XYLT1: variants seen among roughly 807,000 people sequenced by gnomAD.
XYLT1 encodes the protein xylosyltransferase 1.
A neutral mutation model predicts 91.3 loss-of-function variants in XYLT1; 36 were observed. That is an observed-to-expected ratio of 0.39 (90% CI 0.30 to 0.52). The LOEUF (loss-of-function observed/expected upper bound fraction) is 0.52, where lower values mean the gene tolerates loss of function less well. XYLT1 is among the 20% of genes least tolerant of loss of function. The pLI is 0.68. For missense variants in XYLT1, 1,242 were observed against 1,284.5 expected (o/e 0.97, Z 0.51); for synonymous variants, 588 against 532.0 (o/e 1.11, Z -1.45).
At chr16:17,429,806 C>T (rs572126257) in intron 1 of XYLT1, among the ~76,000 whole-genome samples, 2 of 152,220 alleles carry the variant, frequency 1.3e-5, no homozygotes, top group South Asian at 2.1e-4. Flanking sequence ...TTATTGGCTC[C>T]CTTGATTCTC....
chr16:17,228,566 T>G (rs1460934309), intron 3 of XYLT1, among the ~76,000 whole-genome samples: 1 of 152,154 alleles, frequency 6.6e-6, no homozygotes, highest in African/African-American at 2.4e-5. Flanking sequence ...AGAAGCTCCA[T>G]GTCCTCATCA....
chr16:17,168,483 T>C (rs1597165283), intron 5 of XYLT1, among the ~76,000 whole-genome samples: 1 of 152,058 alleles, frequency 6.6e-6, no homozygotes, highest in Non-Finnish European at 1.5e-5. Context: ...ACCTAGTGGG[T>C]ACAATGCTCA....
chr16:17,246,801 G>A (rs953523388), intron 3 of XYLT1, among the ~76,000 whole-genome samples: 3 of 152,216 alleles, frequency 2.0e-5, no homozygotes, highest in African/African-American at 7.2e-5. Flanking sequence ...ATAGCAGCCA[G>A]TCTCACCTAA....
At chr16:17,431,802 T>C (rs1567200830) in intron 1 of XYLT1, among the ~76,000 whole-genome samples, 1 of 152,250 alleles carries the variant, frequency 6.6e-6, no homozygotes, top group Non-Finnish European at 1.5e-5. Flanking sequence ...GAGCATTTTT[T>C]ATAAAAGCGA....
chr16:17,330,122 C>T (rs1217666609), intron 2 of XYLT1, among the ~76,000 whole-genome samples: 1 of 151,862 alleles, frequency 6.6e-6, no homozygotes, highest in Non-Finnish European at 1.5e-5. Flanking sequence ...CACACACACA[C>T]ACACACACAC....
At chr16:17,274,092 A>G (rs892023060) in intron 2 of XYLT1, among the ~76,000 whole-genome samples, 3 of 151,890 alleles carry the variant, frequency 2.0e-5, no homozygotes. Context: ...TTGTATTTTT[A>G]GTAGAGACAG....
At chr16:17,395,464 C>T (rs1267000814) in intron 1 of XYLT1, among the ~76,000 whole-genome samples, 5 of 152,116 alleles carry the variant, frequency 3.3e-5, no homozygotes, top group Admixed American at 2.6e-4. Context: ...GAGCCATGAT[C>T]GCACCACTGC....
chr16:17,110,406 T>C (rs778667077), intron 11 of XYLT1, among the ~76,000 whole-genome samples: 5 of 152,166 alleles, frequency 3.3e-5, no homozygotes, highest in African/African-American at 1.2e-4. Flanking sequence ...GTTCTTGTGA[T>C]AGTGAATAAG....
intron 5 of XYLT1, among the ~76,000 whole-genome samples, chr16:17,177,607 T>G (rs1300751838): frequency 6.6e-6 from 1 of 152,150 alleles, no homozygotes; most frequent in African/African-American, 2.4e-5. Context: ...AAATTCACAG[T>G]GACGCCCTAC....
At position 17,226,155 on chromosome 16, in the gene XYLT1, G is replaced by C. The variant is rs2033062261; in HGVS notation, c.914-25501C>G. Among the ~76,000 whole-genome samples the C allele has an allele frequency of 2.0e-5, 3 of 152,210 alleles. No individual in the cohort carries two copies. The South Asian group carries it at 6.2e-4, about 32-fold the overall frequency. ...CAAGATTTAGTAGAAGGCATATCTG[G>C]ACCTATGTCCCTATTCTCTCTGCCA... On this transcript the variant is annotated intron_variant, in intron 3 of 11. Coordinates refer to ENST00000261381, the MANE Select transcript of XYLT1 (RefSeq NM_022166.4).
chr16:17,279,127 T>G (rs1438441212), intron 2 of XYLT1, among the ~76,000 whole-genome samples: 1 of 152,188 alleles, frequency 6.6e-6, no homozygotes. Context: ...CTTTTTAAAT[T>G]TAATCCTCTT....
At chr16:17,263,600 C>G (rs11075345) in intron 2 of XYLT1, among the ~76,000 whole-genome samples, 2 of 151,848 alleles carry the variant, frequency 1.3e-5, no homozygotes, top group African/African-American at 4.8e-5. Flanking sequence ...GAGAGAGGCG[C>G]AGTCAGCGAG....
intron 3 of XYLT1, 50 bp downstream of exon 3, chr16:17,258,938 G>A (rs777049807): frequency 6.8e-7 from 1 of 1,470,024 alleles, no homozygotes; most frequent in East Asian, 2.3e-5. Context: ...TGGGCAGGAG[G>A]AGGAAGTGGC....
chr16:17,117,598 TC>T (rs1434772897), intron 11 of XYLT1, 47 bp downstream of exon 11: 1 of 1,568,304 alleles, frequency 6.4e-7, no homozygotes, highest in South Asian at 1.2e-5. Flanking sequence ...ACCCTCAAGG[TC>T]CCCAGGGAAG....
chr16:17,304,070 G>T (rs1013069228), intron 2 of XYLT1, among the ~76,000 whole-genome samples: 2 of 152,026 alleles, frequency 1.3e-5, no homozygotes. Flanking sequence ...TTATGCTAAC[G>T]TTGGAAGGTA....
At chr16:17,184,714 T>C (rs1467411452) in intron 5 of XYLT1, among the ~76,000 whole-genome samples, 3 of 152,176 alleles carry the variant, frequency 2.0e-5, no homozygotes, top group African/African-American at 7.2e-5. Context: ...TCTAGAGCAT[T>C]GCCTAATATC....
At chr16:17,456,128 A>G (rs1596555553) in intron 1 of XYLT1, among the ~76,000 whole-genome samples, 2 of 152,098 alleles carry the variant, frequency 1.3e-5, no homozygotes, top group African/African-American at 4.8e-5. Flanking sequence ...AGAGGATGGG[A>G]ATCAGGGTGA....
chr16:17,268,513 C>G (rs1216893038), intron 2 of XYLT1, among the ~76,000 whole-genome samples: 1 of 150,878 alleles, frequency 6.6e-6, no homozygotes, highest in East Asian at 1.9e-4. Flanking sequence ...TACATAAGTA[C>G]AATCAGAAAT....
intron 1 of XYLT1, among the ~76,000 whole-genome samples, chr16:17,466,559 C>T (rs751123189): frequency 1.4e-4 from 22 of 152,214 alleles, no homozygotes; most frequent in Admixed American, 9.8e-4. Flanking sequence ...TAAGAACTTA[C>T]GCCATGGCTG....
Sources: allele counts gnomAD v4.1 joint callset (sites outside exome capture counted in the v4.1 genomes callset), GRCh38; gene constraint gnomAD v4.1.1; transcripts MANE v1.5; gene names NCBI Gene and HGNC (gene_info 2026-07-23, HGNC 2026-07-21).